Variants in NEK10 observed in about 807,000 individuals in gnomAD.
The protein encoded by NEK10 is serine/threonine-protein kinase Nek10.
In NEK10, 122 loss-of-function variants were observed where a neutral mutation model predicts 159.8. That is an observed-to-expected ratio of 0.76 (90% CI 0.66 to 0.89). The LOEUF (loss-of-function observed/expected upper bound fraction) is 0.89, where lower values mean the gene tolerates loss of function less well. Among genes scored for constraint, NEK10 ranks in the 40% least tolerant of loss-of-function variants. The pLI is 0.00. For synonymous variants in NEK10, 466 were observed against 457.1 expected (o/e 1.02, Z -0.25); for missense variants, 1,342 against 1,323.1 (o/e 1.01, Z -0.22).
intron 1 of NEK10, among the ~76,000 whole-genome samples, chr3:27,368,265 C>G (rs1160497244): frequency 1.3e-5 from 2 of 152,008 alleles, no homozygotes; most frequent in African/African-American, 2.4e-5. Context: ...GCACTCCAGC[C>G]TGGCAGCACA....
At chr3:27,141,335 T>G in intron 31 of NEK10, 147 bp downstream of exon 31, 1 of 523,074 alleles carries the variant, frequency 1.9e-6, no homozygotes, top group Non-Finnish European at 3.3e-6. Context: ...CCAGCTCTGC[T>G]GCTAAACTAA....
In NEK10 at chr3:27,111,393, C is replaced by G. The variant is rs1939510379; in HGVS notation, c.3300-73G>C. The G allele has an allele frequency of 2.5e-6, 3 of 1,191,294 alleles. No individual in the cohort carries two copies. In the South Asian group the frequency reaches 4.5e-5, roughly 18 times the overall value. 73.8% of individuals were successfully genotyped at this position (1,191,294 alleles called of 1,614,324 possible). ...TAGTTCATACATTCAATTTCAAAAA[C>G]TGGGGCTCAGGCATATAAGTAAATA... On this transcript the variant is annotated intron_variant, in intron 35 of 35. Transcript: ENST00000691995.
Position 27,110,990 on chromosome 3 carries a change from C to T in NEK10, c.*282G>A. On this transcript the variant is annotated 3_prime_UTR_variant, in exon 36 of 36. Coordinates refer to ENST00000691995, the MANE Select transcript of NEK10 (RefSeq NM_001394966.1). The stretch of plus-strand genomic sequence containing the variant: ...TTGTTGTTGTTTTTGGGTTTTCCCC[C>T]CACCCTCCAAAAGATGAATTTTGCA... 3.3e-6 allele frequency: 1 copy of T among 298,900 alleles called. No homozygotes were observed. Among genetic ancestry groups the T allele is most frequent in the Non-Finnish European group, 6.1e-6 (1 of 163,476 alleles). The allele number at this position is 298,900 out of a possible 1,614,324, so 18.5% of individuals were successfully genotyped here.
At chr3:27,333,370 G>T (rs890791400) in intron 5 of NEK10, among the ~76,000 whole-genome samples, 1 of 151,500 alleles carries the variant, frequency 6.6e-6, no homozygotes, top group Admixed American at 6.6e-5. Flanking sequence ...ACATGGTAAA[G>T]CCCTGTCTCT....
chr3:27,240,610 G>C (rs571533309), intron 23 of NEK10, among the ~76,000 whole-genome samples: 2 of 151,490 alleles, frequency 1.3e-5, no homozygotes, highest in Admixed American at 1.3e-4. Flanking sequence ...CCTCACAGGA[G>C]AATATTCTTA....
chr3:27,199,641 A>G (rs1949873324), intron 25 of NEK10, among the ~76,000 whole-genome samples: 1 of 152,228 alleles, frequency 6.6e-6, no homozygotes, highest in Non-Finnish European at 1.5e-5. Flanking sequence ...TCATTCTATC[A>G]TAAAAACACA....
At chr3:27,254,950 C>CAT (rs1330480064) in intron 23 of NEK10, among the ~76,000 whole-genome samples, 1 of 151,690 alleles carries the variant, frequency 6.6e-6, no homozygotes, top group African/African-American at 2.4e-5. Flanking sequence ...CACACACACA[C>CAT]ACAGTTGATA....
intron 23 of NEK10, among the ~76,000 whole-genome samples, chr3:27,219,492 T>G (rs1308492621): frequency 6.6e-6 from 1 of 152,228 alleles, no homozygotes; most frequent in Non-Finnish European, 1.5e-5. Context: ...ATGAGATTTC[T>G]TTCTGTCTTT....
At chr3:27,167,721 G>A (rs747938406) in intron 29 of NEK10, among the ~76,000 whole-genome samples, 3 of 152,110 alleles carry the variant, frequency 2.0e-5, no homozygotes, top group Non-Finnish European at 2.9e-5. Context: ...ATTAAAGTTG[G>A]AAATTTCAAA....
At chr3:27,280,506 G>T (rs1021574432) in intron 22 of NEK10, among the ~76,000 whole-genome samples, 1 of 152,128 alleles carries the variant, frequency 6.6e-6, no homozygotes, top group African/African-American at 2.4e-5. Context: ...AGAATTCGAC[G>T]AAAATTTATA....
chr3:27,214,946 CA>C, intron 23 of NEK10: 1 of 881,750 alleles, frequency 1.1e-6, no homozygotes, highest in Non-Finnish European at 1.9e-6. Context: ...ATTCCTAATC[CA>C]AAACCAGTGC....
At chr3:27,312,552 A>AT (rs1400581551) in intron 7 of NEK10, among the ~76,000 whole-genome samples, 8 of 152,104 alleles carry the variant, frequency 5.3e-5, no homozygotes, top group African/African-American at 1.4e-4. Flanking sequence ...TTTTAGGAGA[A>AT]TTTTTTATAA....
chr3:27,363,686 C>T (rs1267174187), intron 1 of NEK10: 2 of 152,128 alleles, frequency 1.3e-5, no homozygotes, highest in East Asian at 1.9e-4. Flanking sequence ...AGATGGACTA[C>T]CTCAAGTATA....
intron 22 of NEK10, among the ~76,000 whole-genome samples, chr3:27,279,453 A>G (rs1452126320): frequency 6.6e-6 from 1 of 152,194 alleles, no homozygotes; most frequent in East Asian, 1.9e-4. Context: ...ACTTCCTAAA[A>G]TATGGAAATT....
At chr3:27,258,239 C>T (rs1575479372) in intron 22 of NEK10, among the ~76,000 whole-genome samples, 1 of 150,630 alleles carries the variant, frequency 6.6e-6, no homozygotes, top group South Asian at 2.1e-4. Context: ...TTTTATTATA[C>T]TTTAAATTTT....
intron 22 of NEK10, among the ~76,000 whole-genome samples, chr3:27,262,625 G>A (rs1045824570): frequency 1.1e-4 from 16 of 152,048 alleles, no homozygotes; most frequent in South Asian, 2.1e-4. Flanking sequence ...TGATCGAATC[G>A]GCTACTGAGG....
In NEK10 at chr3:27,301,702, G is replaced by T; in HGVS notation, c.1162C>A (p.Gln388Lys). Residue 388 changes from glutamine (Q) to lysine (K), a missense_variant, in exon 13 of 36, where the codon CAA becomes AAA. By Grantham distance (53) the Gln-to-Lys change is moderately conservative. Transcript: ENST00000691995. ...AATAATAAAACATAAATACCTGCTT[G>T]AAGTGAGAAAGTATTTTCTTGTATT... The part of the protein sequence containing the change: ...REIQENTFSL[Q>K]AACCAALTEL... 6.4e-7 allele frequency: 1 copy of T among 1,558,194 alleles called. No homozygotes were observed. The highest frequency in any genetic ancestry group is 1.2e-5 in the South Asian group (1 of 85,766).
intron 25 of NEK10, among the ~76,000 whole-genome samples, chr3:27,199,052 G>A (rs1415531327): frequency 7.2e-6 from 1 of 139,588 alleles, no homozygotes. Flanking sequence ...CAGCCTGGGC[G>A]ACAGAGCAAG....
intron 13 of NEK10, among the ~76,000 whole-genome samples, chr3:27,301,352 G>A (rs2043810802): frequency 6.6e-6 from 1 of 152,122 alleles, no homozygotes; most frequent in South Asian, 2.1e-4. Flanking sequence ...GGGTGCCCTG[G>A]GATCTAGAAA....
Sources: gnomAD v4.1 joint callset for allele counts (sites outside exome capture counted in the v4.1 genomes callset) on GRCh38, gnomAD v4.1.1 for gene constraint, MANE v1.5 for transcripts, NCBI Gene and HGNC (gene_info 2026-07-23, HGNC 2026-07-21) for gene names.